The following TRAPPC9 variants were observed in gnomAD, a reference collection of about 807,000 sequenced individuals.
The protein encoded by TRAPPC9 is trafficking protein particle complex subunit 9.
TRAPPC9 carries 83 observed loss-of-function variants against 124.0 expected under a neutral mutation model. The ratio of observed to expected loss-of-function variants is 0.67; its 90% CI spans 0.56 to 0.80. TRAPPC9 has a LOEUF of 0.80. Ranked by LOEUF, TRAPPC9 falls within the 30% of genes least tolerant of loss-of-function variation. The probability of loss-of-function intolerance (pLI) is 0.00; values close to 1 mark genes in which losing one functional copy is unlikely to be tolerated. For missense variants in TRAPPC9, 1,302 were observed against 1,508.3 expected (o/e 0.86, Z 2.27); for synonymous variants, 638 against 617.5 (o/e 1.03, Z -0.49).
intron 21 of TRAPPC9, among the ~76,000 whole-genome samples, chr8:139,733,977 G>T (rs1339881019): frequency 6.6e-6 from 1 of 152,256 alleles, no homozygotes; most frequent in Admixed American, 6.5e-5. Flanking sequence ...GGGTTCCACT[G>T]CCCTCACACG....
At position 139,731,016 on chromosome 8, in the gene TRAPPC9, G is replaced by T; in HGVS notation, c.*45C>A. On this transcript the variant is annotated 3_prime_UTR_variant, in exon 23 of 23. Coordinates refer to ENST00000438773, the MANE Select transcript of TRAPPC9 (RefSeq NM_001160372.4). ...TGCAGGGGGTGTGGGAGGCCAGGCA[G>T]GGTCACCTCTGGCCCTGCAGAAAGA... 1 of 1,603,258 alleles carries T rather than the reference G, an allele frequency of 6.2e-7. No homozygotes were observed. Among genetic ancestry groups the T allele is most frequent in the Non-Finnish European group, 8.5e-7 (1 of 1,175,348 alleles).
At chr8:140,067,654 G>A (rs574170548) in intron 17 of TRAPPC9, among the ~76,000 whole-genome samples, 27 of 152,190 alleles carry the variant, frequency 1.8e-4, no homozygotes, top group Non-Finnish European at 3.4e-4. Context: ...ATCCAGAGAA[G>A]AGAGTGACTT....
chr8:140,389,587 C>G (rs1026560384), intron 7 of TRAPPC9, among the ~76,000 whole-genome samples: 4 of 152,088 alleles, frequency 2.6e-5, no homozygotes, highest in African/African-American at 9.7e-5. Flanking sequence ...GTGCTTAGCA[C>G]AGTGGCTAAA....
At position 140,157,095 on chromosome 8, in the gene TRAPPC9, AG is replaced by A. The variant is rs1184406290; in HGVS notation, c.2556+64363del. 3.1e-4 allele frequency among the ~76,000 whole-genome samples: 37 copies of A among 117,868 alleles called. No individual in the cohort carries two copies. The East Asian group carries it at 8.5e-3, about 27-fold the overall frequency. 77.3% of individuals were successfully genotyped at this position (117,868 alleles called of 152,430 possible). A position where few individuals can be genotyped will look rare whatever the true frequency, so the allele number is the denominator to read the frequency against. On this transcript the variant is annotated intron_variant, in intron 17 of 22. Transcript: ENST00000438773. ...ATTCAAAAGCCTCCCTTTTCCATTCAGAAGCCTCCCTTTCCATTCAGAAGCC... is the reference window on the plus strand; with the variant it reads ...ATTCAAAAGCCTCCCTTTTCCATTCAAAGCCTCCCTTTCCATTCAGAAGCC...
chr8:140,239,397 G>A (rs2063806314), intron 16 of TRAPPC9, among the ~76,000 whole-genome samples: 1 of 152,208 alleles, frequency 6.6e-6, no homozygotes, highest in African/African-American at 2.4e-5. Context: ...ATCTCCAACT[G>A]AATGGGACAG....
chr8:140,004,557 A>G (rs550607041), intron 18 of TRAPPC9, among the ~76,000 whole-genome samples: 1 of 152,204 alleles, frequency 6.6e-6, no homozygotes, highest in South Asian at 2.1e-4. Context: ...AATTATTAGG[A>G]GGCTCCAGTG....
chr8:140,161,003 T>A (rs191950580), intron 17 of TRAPPC9, among the ~76,000 whole-genome samples: 1 of 152,164 alleles, frequency 6.6e-6, no homozygotes, highest in Admixed American at 6.5e-5. Context: ...GAAGTGGCTA[T>A]TTTTATCCGT....
chr8:139,934,506 C>T (rs904528365), intron 19 of TRAPPC9, among the ~76,000 whole-genome samples: 3 of 152,228 alleles, frequency 2.0e-5, no homozygotes, highest in African/African-American at 7.2e-5. Flanking sequence ...GACTGGCTTT[C>T]CTGGTGCTAT....
At position 139,757,821 on chromosome 8, in the gene TRAPPC9, G is replaced by A. The variant is rs73726760; in HGVS notation, c.3056-25619C>T. Among the ~76,000 whole-genome samples, 1,291 of 152,198 alleles carry A rather than the reference G, an allele frequency of 8.5e-3. 19 individuals carry two copies. Among genetic ancestry groups the A allele is most frequent in the African/African-American group, 0.03 (1,231 of 41,498 alleles). ...TCTCACGCTTAGTAGGCAAGCAGTC[G>A]GCACTGCTGGCGGGCTCGCCTCCCT... On this transcript the variant is annotated intron_variant, in intron 21 of 22. Transcript: ENST00000438773.
chr8:140,322,221 A>G (rs1483970143), intron 9 of TRAPPC9, among the ~76,000 whole-genome samples: 1 of 152,188 alleles, frequency 6.6e-6, no homozygotes, highest in Non-Finnish European at 1.5e-5. Flanking sequence ...ACTGGCTGCA[A>G]ACCAAACTCC....
intron 13 of TRAPPC9, among the ~76,000 whole-genome samples, chr8:140,285,896 C>G (rs537786124): frequency 1.3e-5 from 2 of 152,314 alleles, no homozygotes; most frequent in Admixed American, 1.3e-4. Context: ...GCCTCACTCA[C>G]CCGTAGGGAG....
intron 9 of TRAPPC9, among the ~76,000 whole-genome samples, chr8:140,322,747 G>A (rs1409163052): frequency 6.6e-6 from 1 of 152,142 alleles, no homozygotes; most frequent in Non-Finnish European, 1.5e-5. Context: ...GAGGTGGAAG[G>A]GTTGCTTGAG....
At chr8:139,938,229 C>T (rs1833664726) in intron 19 of TRAPPC9, among the ~76,000 whole-genome samples, 2 of 152,214 alleles carry the variant, frequency 1.3e-5, no homozygotes, top group Admixed American at 1.3e-4. Flanking sequence ...ACTCAGCCGT[C>T]CCTATGCCGA....
intron 2 of TRAPPC9, among the ~76,000 whole-genome samples, chr8:140,445,448 C>A (rs2071210211): frequency 6.6e-6 from 1 of 152,194 alleles, no homozygotes; most frequent in South Asian, 2.1e-4. Flanking sequence ...CAAGACTCTC[C>A]TGTGGTCTGA....
chr8:139,756,180 C>T (rs555160347), intron 21 of TRAPPC9, among the ~76,000 whole-genome samples: 14 of 112,498 alleles, frequency 1.2e-4, no homozygotes, highest in African/African-American at 5.4e-4. Flanking sequence ...GACAGCAGGT[C>T]GCAGGAGGAG....
At chr8:140,256,960 G>A (rs557018869) in intron 15 of TRAPPC9, among the ~76,000 whole-genome samples, 9 of 152,246 alleles carry the variant, frequency 5.9e-5, no homozygotes, top group Admixed American at 2.6e-4. Context: ...ATGGGGGCTC[G>A]TAGCCTTCCA....
intron 17 of TRAPPC9, among the ~76,000 whole-genome samples, chr8:140,184,492 G>GT (rs1331897932): frequency 1.3e-5 from 2 of 152,080 alleles, no homozygotes; most frequent in African/African-American, 4.8e-5. Context: ...CTGGAGTGCA[G>GT]TGCCACAACC....
chr8:139,868,285 G>A (rs1331540851), intron 21 of TRAPPC9, among the ~76,000 whole-genome samples: 1 of 152,194 alleles, frequency 6.6e-6, no homozygotes, highest in Non-Finnish European at 1.5e-5. Context: ...GAACCCAGGA[G>A]GCGGAGGCTG....
intron 6 of TRAPPC9, among the ~76,000 whole-genome samples, chr8:140,401,576 A>AT (rs1462493444): frequency 2.0e-5 from 3 of 152,198 alleles, no homozygotes; most frequent in Non-Finnish European, 2.9e-5. Context: ...TTTTGGTTAA[A>AT]TTTACATATT....
Sources: allele counts gnomAD v4.1 joint callset (sites outside exome capture counted in the v4.1 genomes callset), GRCh38; gene constraint gnomAD v4.1.1; transcripts MANE v1.5; gene names NCBI Gene and HGNC (gene_info 2026-07-23, HGNC 2026-07-21).